SS18L1: variants seen among roughly 807,000 people sequenced by gnomAD.
SS18L1 encodes calcium-responsive transactivator.
Under a neutral mutation model 70.3 loss-of-function variants are expected in SS18L1, and 32 were observed. The observed-to-expected ratio is 0.46, with a 90% CI of 0.34 to 0.61. SS18L1 has a LOEUF of 0.61. SS18L1 is among the 20% of genes least tolerant of loss of function. The probability of loss-of-function intolerance (pLI) is 0.01; values close to 1 mark genes in which losing one functional copy is unlikely to be tolerated. For synonymous variants in SS18L1, 237 were observed against 229.7 expected, an observed-to-expected ratio of 1.03 and a Z score of -0.29; for missense variants, 430 against 542.1, an observed-to-expected ratio of 0.79 and a Z score of 2.05.
intron 8 of SS18L1, among the ~76,000 whole-genome samples, chr20:62,169,659 A>C (rs1601043206): frequency 6.6e-6 from 1 of 152,020 alleles, no homozygotes; most frequent in East Asian, 1.9e-4. Flanking sequence ...CATGTCTGTA[A>C]AGCCAGCTGC....
At chr20:62,162,291 T>G (rs1013687252) in intron 4 of SS18L1, among the ~76,000 whole-genome samples, 1 of 150,892 alleles carries the variant, frequency 6.6e-6, no homozygotes, top group Non-Finnish European at 1.5e-5. Context: ...GCATGTACGC[T>G]GCTTTGTTTT....
chr20:62,160,047 G>A (rs1601014893), intron 3 of SS18L1, 86 bp downstream of exon 3: 1 of 1,375,736 alleles, frequency 7.3e-7, no homozygotes, highest in South Asian at 1.3e-5. Flanking sequence ...TGTCATCTCA[G>A]GTAGCAAAGA....
chr20:62,164,034 C>T, intron 6 of SS18L1, 111 bp from the exon 7 acceptor site: 3 of 887,766 alleles, frequency 3.4e-6, no homozygotes, highest in Middle Eastern at 2.3e-4. Context: ...GGGTGTTCTC[C>T]TCGGGTGGGT....
chr20:62,144,197 G>T (rs1279770280), intron 1 of SS18L1, among the ~76,000 whole-genome samples: 2 of 151,548 alleles, frequency 1.3e-5, no homozygotes, highest in African/African-American at 4.8e-5. Context: ...GCCCCCGAGC[G>T]CGCTGTCCCC....
At chr20:62,166,108 C>G (rs915902799) in intron 8 of SS18L1, among the ~76,000 whole-genome samples, 5 of 152,256 alleles carry the variant, frequency 3.3e-5, no homozygotes, top group Admixed American at 3.3e-4. Flanking sequence ...CCCTGAAACC[C>G]CAACAGAACA....
intron 8 of SS18L1, 52 bp downstream of exon 8, chr20:62,165,566 G>A (rs935729115): frequency 1.1e-5 from 17 of 1,537,428 alleles, no homozygotes; most frequent in Non-Finnish European, 1.5e-5. Context: ...ACACGCAGCA[G>A]AGTTAAGACG....
At chr20:62,169,792 A>AT (rs1286597229) in intron 8 of SS18L1, among the ~76,000 whole-genome samples, 1 of 150,950 alleles carries the variant, frequency 6.6e-6, no homozygotes. Flanking sequence ...AAAAAAAAAA[A>AT]GGAACATCAT....
chr20:62,146,993 C>G (rs1302295208), intron 1 of SS18L1, among the ~76,000 whole-genome samples: 3 of 152,172 alleles, frequency 2.0e-5, no homozygotes, highest in African/African-American at 7.2e-5. Flanking sequence ...CAGCATGACC[C>G]CGTCTTTATT....
At chr20:62,145,290 C>T (rs1006816697) in intron 1 of SS18L1, among the ~76,000 whole-genome samples, 15 of 147,128 alleles carry the variant, frequency 1.0e-4, no homozygotes, top group Admixed American at 5.6e-4. Flanking sequence ...GGAGGCCGTG[C>T]CTTGCTGGTA....
Position 62,167,980 on chromosome 20 carries a change from T to C in SS18L1, c.916+2466T>C, listed in dbSNP as rs1044087750. 3.6e-3 allele frequency among the ~76,000 whole-genome samples: 284 copies of C among 78,156 alleles called. 1 individual carries two copies. In the African/African-American group the frequency reaches 0.055, roughly 15 times the overall value. 51.3% of individuals were successfully genotyped at this position (78,156 alleles called of 152,430 possible). On this transcript the variant is annotated intron_variant, in intron 8 of 10. Transcript: ENST00000331758. ...AAAGGCATGCACCACCAGGCCTGGC[T>C]TTTTTTTTTTTTTTTTTTTTTTTAA...
In SS18L1 at chr20:62,173,917, G is replaced by C. The variant is rs572993847; in HGVS notation, c.1037-600G>C. ...TGGTCCCAGCTACTTGGGAGGCTGAGGCAGGAGAATCACTTGAGCCTGGGA... is the reference window on the plus strand; with the variant it reads ...TGGTCCCAGCTACTTGGGAGGCTGACGCAGGAGAATCACTTGAGCCTGGGA... On this transcript the variant is annotated intron_variant, in intron 9 of 10. Coordinates refer to ENST00000331758, the MANE Select transcript of SS18L1 (RefSeq NM_198935.3). Among the ~76,000 whole-genome samples the C allele has an allele frequency of 1.4e-4, 22 of 152,022 alleles. No individual in the cohort carries two copies. In the South Asian group the frequency reaches 3.1e-3, roughly 22 times the overall value.
In SS18L1 at chr20:62,161,651, C is replaced by T; in HGVS notation, c.376+71C>T. The T allele has an allele frequency of 6.5e-7, 1 of 1,545,168 alleles. No individual in the cohort carries two copies. The highest frequency in any genetic ancestry group is 8.8e-7 in the Non-Finnish European group (1 of 1,141,156). Reference sequence around the variant, plus strand: ...AAGGCAGCCCTTGGGCAGCCGGCTGCCATGGTGGGGCACCCCACCCCTCAC... The same window carrying T: ...AAGGCAGCCCTTGGGCAGCCGGCTGTCATGGTGGGGCACCCCACCCCTCAC... On this transcript the variant is annotated intron_variant, in intron 4 of 10. Transcript: ENST00000331758. The surrounding 1 kb of genome is among the most constrained non-coding windows in gnomAD (Gnocchi z 4.4).
rs1276686326 is a variant in SS18L1, at chr20:62,165,577, C to G, written c.916+63C>G. On this transcript the variant is annotated intron_variant, in intron 8 of 10. Coordinates refer to ENST00000331758, the MANE Select transcript of SS18L1 (RefSeq NM_198935.3). ...CGCCACACGCAGCAGAGTTAAGACG[C>G]TGCACCCTTAGGAGCACGCGGTGCC... is the stretch of plus-strand genomic sequence containing the variant. 4.0e-6 allele frequency: 6 copies of G among 1,501,818 alleles called. No homozygotes were observed. The African/African-American group carries it at 8.3e-5, about 21-fold the overall frequency. The allele number at this position is 1,501,818 out of a possible 1,614,324, so 93.0% of individuals were successfully genotyped here. A position where few individuals can be genotyped will look rare whatever the true frequency, so the allele number is the denominator to read the frequency against.
At chr20:62,172,278 C>T (rs2145777977) in intron 8 of SS18L1, among the ~76,000 whole-genome samples, 1 of 150,862 alleles carries the variant, frequency 6.6e-6, no homozygotes, top group Middle Eastern at 3.4e-3. Flanking sequence ...AGTGTGCCCT[C>T]ATTGCACCAC....
intron 1 of SS18L1, among the ~76,000 whole-genome samples, chr20:62,151,718 C>T (rs2057133627): frequency 6.6e-6 from 1 of 152,206 alleles, no homozygotes; most frequent in Non-Finnish European, 1.5e-5. Flanking sequence ...GGATCTTGGT[C>T]CAGCCAGTCT....
chr20:62,166,301 G>A (rs2057430117), intron 8 of SS18L1, among the ~76,000 whole-genome samples: 1 of 152,228 alleles, frequency 6.6e-6, no homozygotes, highest in African/African-American at 2.4e-5. Context: ...TGACCGGCAG[G>A]CAGCAGTGGC....
chr20:62,178,037 T>A (rs59281903), intron 10 of SS18L1, among the ~76,000 whole-genome samples: 6,207 of 144,948 alleles, frequency 0.043, 206 homozygotes, highest in African/African-American at 0.085. Flanking sequence ...TTTTTTTTTT[T>A]AAGACAGGGT....
chr20:62,154,178 A>T, intron 1 of SS18L1: 1 of 304,688 alleles, frequency 3.3e-6, no homozygotes, highest in Non-Finnish European at 5.0e-6. Flanking sequence ...TTGTCCCGGT[A>T]ATGGCTTTTG....
chr20:62,154,229 T>C, intron 1 of SS18L1: 2 of 713,516 alleles, frequency 2.8e-6, no homozygotes, highest in East Asian at 1.5e-4. Context: ...CCTGGGACCA[T>C]GTCTGTTGAG....
Sources: gnomAD v4.1 joint callset for allele counts (sites outside exome capture counted in the v4.1 genomes callset) on GRCh38, gnomAD v4.1.1 for gene constraint, Gnocchi (gnomAD v3.1) non-coding constraint, MANE v1.5 for transcripts, NCBI Gene and HGNC (gene_info 2026-07-23, HGNC 2026-07-21) for gene names.